Variants in SDK1 observed in about 807,000 individuals in gnomAD.
The protein encoded by SDK1 is sidekick cell adhesion molecule 1.
Under a neutral mutation model 245.5 loss-of-function variants are expected in SDK1, and 157 were observed. That is an observed-to-expected ratio of 0.64 (90% CI 0.56 to 0.73). The LOEUF (loss-of-function observed/expected upper bound fraction) is 0.73, where lower values mean the gene tolerates loss of function less well. Ranked by LOEUF, SDK1 falls within the 30% of genes least tolerant of loss-of-function variation. The pLI, the probability that SDK1 is intolerant of heterozygous loss-of-function variation, is 0.00. For synonymous variants in SDK1, 1,647 were observed against 1,278.5 expected (o/e 1.29, Z -6.15); for missense variants, 3,583 against 3,002.3 (o/e 1.19, Z -4.52).
intron 5 of SDK1, among the ~76,000 whole-genome samples, chr7:3,949,346 T>C (rs2128124577): frequency 6.6e-6 from 1 of 152,314 alleles, no homozygotes; most frequent in Middle Eastern, 3.4e-3. Context: ...AATACAAAAA[T>C]CTCATACTGC....
intron 17 of SDK1, among the ~76,000 whole-genome samples, chr7:4,019,414 T>C (rs927671348): frequency 6.6e-6 from 1 of 152,166 alleles, no homozygotes; most frequent in South Asian, 2.1e-4. Context: ...CGAGGGACTG[T>C]GCTTAGCTAG....
intron 35 of SDK1, among the ~76,000 whole-genome samples, chr7:4,180,132 C>G (rs2128219521): frequency 6.6e-6 from 1 of 152,254 alleles, no homozygotes; most frequent in Middle Eastern, 3.4e-3. Flanking sequence ...CAAGCGGCAA[C>G]AGGACTGGAT....
intron 1 of SDK1, among the ~76,000 whole-genome samples, chr7:3,319,137 G>T (rs1415795387): frequency 6.6e-6 from 1 of 152,174 alleles, no homozygotes; most frequent in Non-Finnish European, 1.5e-5. Context: ...GATATGCAGG[G>T]TGTGGTGTAT....
rs370409061 is a variant in SDK1 at position 3,656,557 on chromosome 7, AC to A, written c.713+14455del. Among the ~76,000 whole-genome samples, 210 of 152,156 alleles carry A rather than the reference AC, an allele frequency of 1.4e-3. 5 individuals carry two copies. Among genetic ancestry groups the A allele is most frequent in the African/African-American group, 4.9e-3 (203 of 41,504 alleles). On this transcript the variant is annotated intron_variant, in intron 4 of 44. Transcript: ENST00000404826. ...ACTTTGTAATGCTGTTTAATTCATG[AC>A]CCAGACCCAGGGCAGGGTCCTTAAG...
chr7:4,176,235 T>C (rs1036037836), intron 34 of SDK1, among the ~76,000 whole-genome samples: 9 of 151,466 alleles, frequency 5.9e-5, no homozygotes, highest in African/African-American at 2.2e-4. Context: ...CGATCACAGC[T>C]CACTGCAGCC....
chr7:3,820,986 G>T (rs1779630730), intron 4 of SDK1, among the ~76,000 whole-genome samples: 1 of 152,252 alleles, frequency 6.6e-6, no homozygotes, highest in Non-Finnish European at 1.5e-5. Flanking sequence ...CTACGCACCA[G>T]TGTAGATATC....
At chr7:4,261,807 C>T (rs939509696) in intron 44 of SDK1, among the ~76,000 whole-genome samples, 3 of 151,958 alleles carry the variant, frequency 2.0e-5, no homozygotes, top group Non-Finnish European at 2.9e-5. Flanking sequence ...GACGGGGGCC[C>T]TGGGAAGCGT....
At chr7:3,338,658 A>C (rs2128553524) in intron 1 of SDK1, 2 of 191,814 alleles carry the variant, frequency 1.0e-5, no homozygotes, top group South Asian at 2.3e-4. Flanking sequence ...ACAAGAAAAT[A>C]CTCTGGACTG....
intron 17 of SDK1, among the ~76,000 whole-genome samples, chr7:4,047,115 G>A (rs548374533): frequency 1.1e-4 from 17 of 152,106 alleles, no homozygotes; most frequent in Non-Finnish European, 2.5e-4. Flanking sequence ...AGCTGTAGGC[G>A]TTTTATAGGT....
At position 3,642,033 on chromosome 7, in the gene SDK1, C is replaced by T. The variant is rs781148652; in HGVS notation, c.641C>T (p.Pro214Leu). 6.2e-7 allele frequency: 1 copy of T among 1,613,484 alleles called. No homozygotes were observed. The change falls in exon 4 of 45, where the codon CCC (proline) becomes CTC (leucine). Residue 214 changes from proline (P) to leucine (L), a missense_variant. Physicochemically the swap from Pro to Leu is moderately conservative, Grantham distance 98. Coordinates refer to ENST00000404826, the MANE Select transcript of SDK1 (RefSeq NM_152744.4). ...QGRAAILNLL[P>L]ITSYPRPQVT... ...CGTGCAGCGATTCTAAACCTGCTGC[C>T]CATCACCAGCTACCCCAGACCTCAA...
chr7:3,941,959 A>G (rs1355160016), intron 5 of SDK1, among the ~76,000 whole-genome samples: 1 of 136,996 alleles, frequency 7.3e-6, no homozygotes, highest in Non-Finnish European at 1.5e-5. Flanking sequence ...CCCAAGCTGG[A>G]GTGCAGTGGC....
At chr7:4,101,347 C>T (rs1178862878) in intron 22 of SDK1, among the ~76,000 whole-genome samples, 1 of 152,114 alleles carries the variant, frequency 6.6e-6, no homozygotes, top group Non-Finnish European at 1.5e-5. Context: ...GGGAGTTTCA[C>T]CGTGTTAGCC....
rs553427122 is a variant in SDK1 at position 3,576,206 on chromosome 7, A to T, written c.299-42874A>T. 5.9e-5 allele frequency among the ~76,000 whole-genome samples: 9 copies of T among 152,246 alleles called. No individual in the cohort carries two copies. The South Asian group carries it at 1.9e-3, about 32-fold the overall frequency. On this transcript the variant is annotated intron_variant, in intron 1 of 44. Transcript: ENST00000404826. Reference sequence around the variant, plus strand: ...GATATTATAAATAATGTAGAATAATAATGCTGTGCCATTCAGACTTCTCTT... The same window carrying T: ...GATATTATAAATAATGTAGAATAATTATGCTGTGCCATTCAGACTTCTCTT...
At chr7:3,990,522 G>T (rs750293) in intron 14 of SDK1, among the ~76,000 whole-genome samples, 12,064 of 152,268 alleles carry the variant, frequency 0.079, 1,395 homozygotes, top group African/African-American at 0.26. Flanking sequence ...TGGCCATGCT[G>T]CCTGTACGTA....
At chr7:3,437,707 C>G (rs1583856880) in intron 1 of SDK1, among the ~76,000 whole-genome samples, 1 of 152,150 alleles carries the variant, frequency 6.6e-6, no homozygotes, top group East Asian at 1.9e-4. Context: ...TGTGATCGTG[C>G]CACTGCACTC....
intron 35 of SDK1, among the ~76,000 whole-genome samples, chr7:4,191,048 C>G (rs1375989048): frequency 2.0e-5 from 3 of 152,234 alleles, no homozygotes; most frequent in Admixed American, 6.5e-5. Flanking sequence ...CAAATCCCAT[C>G]CCCTCACTTT....
intron 44 of SDK1, among the ~76,000 whole-genome samples, chr7:4,254,564 A>G (rs1468704719): frequency 2.0e-5 from 3 of 151,176 alleles, no homozygotes; most frequent in Non-Finnish European, 4.4e-5. Flanking sequence ...GAACATAATT[A>G]TAATAGCTAC....
intron 5 of SDK1, among the ~76,000 whole-genome samples, chr7:3,855,829 TG>T (rs1780532433): frequency 6.6e-6 from 1 of 152,190 alleles, no homozygotes; most frequent in South Asian, 2.1e-4. Context: ...CTTAAGAATG[TG>T]GAAATCTGTG....
chr7:4,166,969 C>T (rs1390096747), intron 32 of SDK1, among the ~76,000 whole-genome samples: 2 of 152,154 alleles, frequency 1.3e-5, no homozygotes, highest in Non-Finnish European at 2.9e-5. Flanking sequence ...CCTCCTCCTA[C>T]CCCCAGGCCT....
Sources: allele counts gnomAD v4.1 joint callset (sites outside exome capture counted in the v4.1 genomes callset), GRCh38; gene constraint gnomAD v4.1.1; transcripts MANE v1.5; gene names NCBI Gene and HGNC (gene_info 2026-07-23, HGNC 2026-07-21).